The following GRIN2B variants were observed in gnomAD, a reference collection of about 807,000 sequenced individuals.
GRIN2B encodes glutamate ionotropic receptor NMDA type subunit 2B, also known as glutamate receptor ionotropic, NMDA 2B.
GRIN2B carries 5 observed loss-of-function variants against 114.5 expected under a neutral mutation model. The observed-to-expected ratio is 0.04, with a 90% confidence interval of 0.02 to 0.09. The LOEUF (loss-of-function observed/expected upper bound fraction) is 0.09, where lower values mean the gene tolerates loss of function less well. Among genes scored for constraint, GRIN2B ranks in the 10% least tolerant of loss-of-function variants. GRIN2B has a pLI of 1.00. For synonymous variants in GRIN2B, 787 were observed against 745.1 expected (o/e 1.06, Z -0.92); for missense variants, 1,108 against 1,943.5 (o/e 0.57, Z 8.08).
rs943801360 is a variant in GRIN2B at position 13,556,308 on chromosome 12, C to T, written c.*6475G>A. Reference sequence around the variant, plus strand: ...TATTAAACTTGCATGTATAATCATACAAATGTATGCATACCTATTTATACA... The same window carrying T: ...TATTAAACTTGCATGTATAATCATATAAATGTATGCATACCTATTTATACA... On this transcript the variant is annotated 3_prime_UTR_variant, in exon 14 of 14. Transcript: ENST00000609686. The T allele has an allele frequency of 1.3e-5, 2 of 152,138 alleles. No homozygotes were observed. The highest frequency in any genetic ancestry group is 1.9e-4 in the East Asian group (1 of 5,198). 9.4% of individuals were successfully genotyped at this position (152,138 alleles called of 1,614,324 possible).
intron 3 of GRIN2B, among the ~76,000 whole-genome samples, chr12:13,757,721 A>G (rs1051411313): frequency 6.6e-6 from 1 of 152,216 alleles, no homozygotes; most frequent in Non-Finnish European, 1.5e-5. Flanking sequence ...ACAGAGATGA[A>G]TAAGCAGCAC....
At chr12:13,684,475 C>T (rs1246767456) in intron 4 of GRIN2B, among the ~76,000 whole-genome samples, 1 of 152,138 alleles carries the variant, frequency 6.6e-6, no homozygotes, top group Non-Finnish European at 1.5e-5. Context: ...AATGAAATTC[C>T]TCTTTGTGCT....
intron 2 of GRIN2B, among the ~76,000 whole-genome samples, chr12:13,962,977 C>T (rs1438860226): frequency 1.3e-5 from 2 of 152,168 alleles, no homozygotes; most frequent in Non-Finnish European, 1.5e-5. Flanking sequence ...GCCCCTCACC[C>T]GCCACCTCTT....
intron 4 of GRIN2B, among the ~76,000 whole-genome samples, chr12:13,678,889 T>C (rs1950102392): frequency 6.6e-6 from 1 of 152,080 alleles, no homozygotes; most frequent in Admixed American, 6.6e-5. Flanking sequence ...ACAAAGACCC[T>C]GAACAATTTC....
intron 2 of GRIN2B, among the ~76,000 whole-genome samples, chr12:13,875,752 C>T (rs1243806054): frequency 6.6e-6 from 1 of 152,154 alleles, no homozygotes; most frequent in East Asian, 1.9e-4. Flanking sequence ...ATTTGCTGTG[C>T]GATCTTTACC....
At chr12:13,788,756 G>A (rs1216571448) in intron 3 of GRIN2B, among the ~76,000 whole-genome samples, 1 of 49,536 alleles carries the variant, frequency 2.0e-5, no homozygotes, top group Non-Finnish European at 4.1e-5. Context: ...CTGAGGGAAG[G>A]TGTTAAGTTT....
intron 2 of GRIN2B, among the ~76,000 whole-genome samples, chr12:13,916,708 CAT>C (rs1179960287): frequency 4.8e-4 from 51 of 105,364 alleles, no homozygotes; most frequent in East Asian, 2.6e-3. Flanking sequence ...CATACATATA[CAT>C]ATACACACAC....
chr12:13,580,863 C>T (rs1268482916), intron 10 of GRIN2B, among the ~76,000 whole-genome samples: 1 of 152,218 alleles, frequency 6.6e-6, no homozygotes, highest in Non-Finnish European at 1.5e-5. Context: ...AACCTCCAGC[C>T]ACTCTATCCC....
chr12:13,543,838 T>G lies in GRIN2B; in HGVS notation c.*18945A>C, dbSNP rs748579021. The G allele has an allele frequency of 6.6e-6, 1 of 152,154 alleles. No homozygotes were observed. Among genetic ancestry groups the G allele is most frequent in the Non-Finnish European group, 1.5e-5 (1 of 68,038 alleles). 9.4% of individuals were successfully genotyped at this position (152,154 alleles called of 1,614,324 possible). A position where few individuals can be genotyped will look rare whatever the true frequency, so the allele number is the denominator to read the frequency against. On this transcript the variant is annotated 3_prime_UTR_variant, in exon 14 of 14. Transcript: ENST00000609686. ...CCCATTATCCCATTTACCAGCCCAC[T>G]TGCATCTGTGCCCAAATGCACTATC...
At chr12:13,876,572 G>A (rs1323175923) in intron 2 of GRIN2B, among the ~76,000 whole-genome samples, 2 of 152,154 alleles carry the variant, frequency 1.3e-5, no homozygotes, top group Non-Finnish European at 2.9e-5. Flanking sequence ...CCCAGGGAGA[G>A]CCAGCACCTA....
chr12:13,831,264 AC>A (rs1352497546), intron 3 of GRIN2B, among the ~76,000 whole-genome samples: 7 of 152,210 alleles, frequency 4.6e-5, no homozygotes, highest in Admixed American at 4.6e-4. Flanking sequence ...TTTATAAATT[AC>A]TTAGCCTCAG....
chr12:13,565,218 T>A (rs1161031279), intron 13 of GRIN2B, among the ~76,000 whole-genome samples: 1 of 152,190 alleles, frequency 6.6e-6, no homozygotes, highest in East Asian at 1.9e-4. Context: ...ATTCTCTTCT[T>A]GAGCCAAGCA....
chr12:13,975,100 A>C (rs1862996860), intron 2 of GRIN2B, among the ~76,000 whole-genome samples: 1 of 152,192 alleles, frequency 6.6e-6, no homozygotes, highest in Non-Finnish European at 1.5e-5. Flanking sequence ...TTAAAAAACA[A>C]AACAAAAAAA....
At chr12:13,940,963 CCT>C (rs2136835594) in intron 2 of GRIN2B, among the ~76,000 whole-genome samples, 1 of 152,158 alleles carries the variant, frequency 6.6e-6, no homozygotes, top group East Asian at 1.9e-4. Context: ...TCACATTAAC[CCT>C]CTCTCCAATT....
intron 4 of GRIN2B, among the ~76,000 whole-genome samples, chr12:13,708,952 A>G (rs1950389571): frequency 6.6e-6 from 1 of 152,116 alleles, no homozygotes; most frequent in African/African-American, 2.4e-5. Context: ...GGTAATAGAT[A>G]ATAAATGAGA....
At chr12:13,804,925 C>T (rs1401187319) in intron 3 of GRIN2B, among the ~76,000 whole-genome samples, 1 of 152,128 alleles carries the variant, frequency 6.6e-6, no homozygotes, top group Non-Finnish European at 1.5e-5. Flanking sequence ...ATGTATACCT[C>T]ACTGTGCTAA....
rs547873669 is a variant in GRIN2B at position 13,891,629 on chromosome 12, A to C, written c.-18-25403T>G. ...CCACACAACCTTTCTAATGAAAAAA[A>C]AAATGCAGTTTACAAAGCTTTTTAA... On this transcript the variant is annotated intron_variant, in intron 2 of 13. Transcript: ENST00000609686. Among the ~76,000 whole-genome samples the C allele has an allele frequency of 4.7e-3, 711 of 152,300 alleles. 3 individuals carry two copies. Among genetic ancestry groups the C allele is most frequent in the South Asian group, 0.014 (67 of 4,828 alleles).
chr12:13,917,789 G>C (rs991899953), intron 2 of GRIN2B, among the ~76,000 whole-genome samples: 3 of 152,120 alleles, frequency 2.0e-5, no homozygotes, highest in African/African-American at 7.2e-5. Context: ...CATTATTGTG[G>C]GAATATCTCA....
Position 13,820,038 on chromosome 12 carries a change from C to CA in GRIN2B, c.411+45759dup, listed in dbSNP as rs763246111. On this transcript the variant is annotated intron_variant, in intron 3 of 13. Coordinates refer to ENST00000609686, the MANE Select transcript of GRIN2B (RefSeq NM_000834.5). Reference sequence around the variant, plus strand: ...AATCTCTGTCTGACCCAAGTGTAGACAAAACCTCTCCCTTAGTTTCCCTTA... The same window carrying CA: ...AATCTCTGTCTGACCCAAGTGTAGACAAAAACCTCTCCCTTAGTTTCCCTTA... Among the ~76,000 whole-genome samples, 20 of 152,304 alleles carry CA rather than the reference C, an allele frequency of 1.3e-4. No individual in the cohort carries two copies. The East Asian group carries it at 3.5e-3, about 26-fold the overall frequency.
Sources: allele counts gnomAD v4.1 joint callset (sites outside exome capture counted in the v4.1 genomes callset), GRCh38; gene constraint gnomAD v4.1.1; transcripts MANE v1.5; gene names NCBI Gene and HGNC (gene_info 2026-07-23, HGNC 2026-07-21).